The following ERCC6L2 variants were observed in gnomAD, a reference collection of about 807,000 sequenced individuals.
The protein encoded by ERCC6L2 is DNA excision repair protein ERCC-6-like 2.
A neutral mutation model predicts 132.0 loss-of-function variants in ERCC6L2; 77 were observed. The ratio of observed to expected loss-of-function variants is 0.58; its 90% CI spans 0.49 to 0.71. The LOEUF is 0.71. Ranked by LOEUF, ERCC6L2 falls within the 30% of genes least tolerant of loss-of-function variation. The probability of loss-of-function intolerance (pLI) is 0.00; values close to 1 mark genes in which losing one functional copy is unlikely to be tolerated. For missense variants in ERCC6L2, 1,542 were observed against 1,837.6 expected, an observed-to-expected ratio of 0.84 and a Z score of 2.94; for synonymous variants, 583 against 632.4, an observed-to-expected ratio of 0.92 and a Z score of 1.17.
At chr9:95,892,671 C>T (rs1469335301) in intron 2 of ERCC6L2, among the ~76,000 whole-genome samples, 1 of 152,120 alleles carries the variant, frequency 6.6e-6, no homozygotes, top group Non-Finnish European at 1.5e-5. Context: ...GATCCACCCA[C>T]CTAAACCTCC....
intron 12 of ERCC6L2, among the ~76,000 whole-genome samples, chr9:95,954,316 C>T (rs757815203): frequency 2.0e-5 from 3 of 152,080 alleles, no homozygotes; most frequent in African/African-American, 4.8e-5. Flanking sequence ...ATTAGGTCAT[C>T]GAGACATATT....
intron 9 of ERCC6L2, among the ~76,000 whole-genome samples, chr9:95,926,979 A>G (rs1288868152): frequency 6.6e-6 from 1 of 152,096 alleles, no homozygotes; most frequent in Admixed American, 6.6e-5. Flanking sequence ...AAAAAATAAT[A>G]TCTACCAATT....
rs112083815 is a variant in ERCC6L2 at position 95,875,696 on chromosome 9, C to T, written c.-343C>T. ...GGGGTTAGGAGACGGAAGTCAGAGC[C>T]TAGGAAGATTTGGGGGTCGCCTTGC... On this transcript the variant is annotated 5_prime_UTR_variant, in exon 1 of 19. Coordinates refer to ENST00000653738, the MANE Select transcript of ERCC6L2 (RefSeq NM_020207.7). The T allele has an allele frequency of 6.7e-3, 2,653 of 394,658 alleles. 57 individuals are homozygous for T. Among genetic ancestry groups the T allele is most frequent in the African/African-American group, 0.049 (2,392 of 49,296 alleles). The allele number at this position is 394,658 out of a possible 1,614,324, so 24.4% of individuals were successfully genotyped here.
chr9:96,002,532 C>T (rs1202762880), intron 17 of ERCC6L2, among the ~76,000 whole-genome samples: 1 of 151,992 alleles, frequency 6.6e-6, no homozygotes, highest in Non-Finnish European at 1.5e-5. Context: ...AGCCATCCTC[C>T]CACCTCAGCC....
intron 3 of ERCC6L2, among the ~76,000 whole-genome samples, chr9:95,900,368 A>G (rs1402481941): frequency 1.3e-5 from 2 of 152,026 alleles, no homozygotes; most frequent in African/African-American, 4.8e-5. Flanking sequence ...AGCCTGGGCA[A>G]CAGAGAAGAC....
chr9:95,972,063 C>G lies in ERCC6L2; in HGVS notation c.2312C>G (p.Ala771Gly), dbSNP rs1294250788. 1 of 1,304,252 alleles carries G rather than the reference C, an allele frequency of 7.7e-7. No homozygotes were observed. The allele number at this position is 1,304,252 out of a possible 1,614,324, so 80.8% of individuals were successfully genotyped here. Residue 771 changes from alanine (A) to glycine (G), a missense_variant, in exon 16 of 19, where the codon GCC becomes GGC. Transcript: ENST00000653738. The part of the protein sequence containing the change: ...EPVGATGIKT[A>G]KNKAPDSSKA... ...GTGGGAGCCACAGGAATAAAGACTG[C>G]CAAAAACAAAGCACCCGATTCAAGT...
At chr9:95,897,821 A>G (rs374172559) in intron 2 of ERCC6L2, 28 bp from the exon 3 acceptor site, 1 of 1,611,090 alleles carries the variant, frequency 6.2e-7, no homozygotes, top group Non-Finnish European at 8.5e-7. Context: ...CATTATACAC[A>G]GTGATTGAAA....
intron 3 of ERCC6L2, among the ~76,000 whole-genome samples, chr9:95,901,459 T>C (rs1828773330): frequency 6.6e-6 from 1 of 152,224 alleles, no homozygotes; most frequent in Non-Finnish European, 1.5e-5. Flanking sequence ...GGTGTAACTT[T>C]TCCTTCTTAA....
chr9:95,924,751 G>A (rs1359641219), intron 9 of ERCC6L2, among the ~76,000 whole-genome samples: 1 of 152,060 alleles, frequency 6.6e-6, no homozygotes, highest in Non-Finnish European at 1.5e-5. Flanking sequence ...AATAGTGTCT[G>A]ATTAAGAGAA....
At chr9:96,037,414 G>A (rs575061718) in intron 19 of ERCC6L2, among the ~76,000 whole-genome samples, 2 of 152,362 alleles carry the variant, frequency 1.3e-5, no homozygotes, top group African/African-American at 4.8e-5. Context: ...GGGTGACAGA[G>A]GCAACAGTGA....
At chr9:95,911,865 T>C (rs1397170222) in intron 4 of ERCC6L2, among the ~76,000 whole-genome samples, 1 of 152,240 alleles carries the variant, frequency 6.6e-6, no homozygotes, top group Non-Finnish European at 1.5e-5. Context: ...CAATTACCTT[T>C]ACCTCAACTC....
chr9:95,905,737 G>A (rs991994350), intron 3 of ERCC6L2, among the ~76,000 whole-genome samples: 1 of 152,056 alleles, frequency 6.6e-6, no homozygotes, highest in Admixed American at 6.6e-5. Flanking sequence ...ATTTTCTTTC[G>A]TTTTCTTCTT....
At chr9:95,902,700 G>A (rs1048080835) in intron 3 of ERCC6L2, among the ~76,000 whole-genome samples, 12 of 151,950 alleles carry the variant, frequency 7.9e-5, no homozygotes, top group African/African-American at 2.7e-4. Flanking sequence ...CCACCTTTTC[G>A]TTTGCACTAG....
chr9:95,915,719 A>G lies in ERCC6L2; in HGVS notation c.840A>G (p.Pro280=), dbSNP rs779755641. The G allele has an allele frequency of 1.9e-6, 3 of 1,613,872 alleles. No homozygotes were observed. Among genetic ancestry groups the G allele is most frequent in the Non-Finnish European group, 2.5e-6 (3 of 1,179,890 alleles). Reference sequence around the variant, plus strand: ...ATGAAGCTCATAGAATCAAGAATCCAAAAGCTAGAGTAACAGAAGTTATGA... The same window carrying G: ...ATGAAGCTCATAGAATCAAGAATCCGAAAGCTAGAGTAACAGAAGTTATGA... ...IVDEAHRIKN[P]KARVTEVMKA... Residue 280 remains proline, a synonymous_variant, in exon 5 of 19, where the codon CCA becomes CCG. Coordinates refer to ENST00000653738, the MANE Select transcript of ERCC6L2 (RefSeq NM_020207.7).
rs190191549 is a variant in ERCC6L2, at chr9:95,978,680, A to G, written c.3492+465A>G. On this transcript the variant is annotated intron_variant, in intron 17 of 18. Coordinates refer to ENST00000653738, the MANE Select transcript of ERCC6L2 (RefSeq NM_020207.7). ...CTGTTAAAAGTCATAAATACTTCCT[A>G]TGGGCTCTTCCCACTTAAAATTGCT... 9.8e-5 allele frequency among the ~76,000 whole-genome samples: 15 copies of G among 152,308 alleles called. No individual in the cohort carries two copies. The East Asian group carries it at 2.1e-3, about 22-fold the overall frequency.
chr9:95,921,938 T>A (rs1829886397), intron 7 of ERCC6L2, among the ~76,000 whole-genome samples: 1 of 152,174 alleles, frequency 6.6e-6, no homozygotes, highest in African/African-American at 2.4e-5. Context: ...AATAGCCCAG[T>A]TTCCTAGGAG....
At chr9:95,955,458 A>G (rs1831554064) in intron 12 of ERCC6L2, among the ~76,000 whole-genome samples, 1 of 148,656 alleles carries the variant, frequency 6.7e-6, no homozygotes, top group South Asian at 2.1e-4. Flanking sequence ...ATCATCCCAG[A>G]ATTTTCCTTC....
intron 6 of ERCC6L2, among the ~76,000 whole-genome samples, chr9:95,919,987 A>G (rs951264709): frequency 5.3e-5 from 8 of 152,358 alleles, no homozygotes; most frequent in Middle Eastern, 3.4e-3. Flanking sequence ...ACATTAAATA[A>G]TGTGGCAGAG....
At chr9:95,974,391 T>A (rs891449132) in intron 16 of ERCC6L2, among the ~76,000 whole-genome samples, 2 of 152,142 alleles carry the variant, frequency 1.3e-5, no homozygotes, top group Admixed American at 6.5e-5. Flanking sequence ...ACACATTTAG[T>A]GGGTCTCAAT....
Sources: gnomAD v4.1 joint callset for allele counts (sites outside exome capture counted in the v4.1 genomes callset) on GRCh38, gnomAD v4.1.1 for gene constraint, MANE v1.5 for transcripts, NCBI Gene and HGNC (gene_info 2026-07-23, HGNC 2026-07-21) for gene names.